Variants in GUCY1A2 observed in about 807,000 individuals in gnomAD.
GUCY1A2 encodes guanylate cyclase soluble subunit alpha-2.
GUCY1A2 carries 27 observed loss-of-function variants against 63.5 expected under a neutral mutation model. The observed-to-expected ratio is 0.43, with a 90% CI of 0.31 to 0.59. GUCY1A2 has a LOEUF of 0.59. Ranked by LOEUF, GUCY1A2 falls within the 20% of genes least tolerant of loss-of-function variation. The probability of loss-of-function intolerance (pLI) is 0.11; values close to 1 mark genes in which losing one functional copy is unlikely to be tolerated. For synonymous variants in GUCY1A2, 364 were observed against 343.5 expected, an observed-to-expected ratio of 1.06 and a Z score of -0.66; for missense variants, 768 against 913.3, an observed-to-expected ratio of 0.84 and a Z score of 2.05.
Position 106,696,399 on chromosome 11 carries a change from GACCAAAAGTCTTTCTT to G in GUCY1A2, c.1992-8659_1992-8644del, listed in dbSNP as rs1341673249. Among the ~76,000 whole-genome samples the G allele has an allele frequency of 2.0e-5, 3 of 152,116 alleles. No individual in the cohort carries two copies. In the East Asian group the frequency reaches 5.8e-4, roughly 29 times the overall value. ...ATTTCCTCACATTTTTCACTTCTCT[GACCAAAAGTCTTTCTT>G]AAAAACAAGTTCATCATTGTGCTGG... On this transcript the variant is annotated intron_variant, in intron 7 of 7. Coordinates refer to ENST00000526355, the MANE Select transcript of GUCY1A2 (RefSeq NM_000855.3).
intron 4 of GUCY1A2, among the ~76,000 whole-genome samples, chr11:106,834,875 C>T (rs745844523): frequency 3.3e-5 from 5 of 151,934 alleles, no homozygotes; most frequent in Admixed American, 1.3e-4. Context: ...TTGGATTATA[C>T]CTGAAACCCT....
At chr11:106,802,272 C>T (rs1006591567) in intron 5 of GUCY1A2, among the ~76,000 whole-genome samples, 1 of 152,102 alleles carries the variant, frequency 6.6e-6, no homozygotes, top group African/African-American at 2.4e-5. Flanking sequence ...GTTGTTCATA[C>T]TGTTCTGCTG....
chr11:106,709,431 G>C (rs1211648278), intron 6 of GUCY1A2, among the ~76,000 whole-genome samples: 1 of 77,694 alleles, frequency 1.3e-5, no homozygotes, highest in African/African-American at 6.0e-5. Flanking sequence ...TTATATATAA[G>C]TATATATAAT....
At chr11:106,719,845 T>G in intron 6 of GUCY1A2, among the ~76,000 whole-genome samples, 1 of 152,234 alleles carries the variant, frequency 6.6e-6, no homozygotes. Flanking sequence ...AATCACTTAA[T>G]GTTTTACAGA....
intron 1 of GUCY1A2, among the ~76,000 whole-genome samples, chr11:107,003,770 C>G (rs1432464962): frequency 6.6e-6 from 1 of 152,198 alleles, no homozygotes; most frequent in Non-Finnish European, 1.5e-5. Context: ...TGACAATTCT[C>G]AAACTCACCA....
chr11:106,991,218 A>T (rs1591356911), intron 1 of GUCY1A2, among the ~76,000 whole-genome samples: 1 of 151,812 alleles, frequency 6.6e-6, no homozygotes, highest in African/African-American at 2.4e-5. Context: ...CCCAGGTCTC[A>T]AACTCCTGAC....
At chr11:106,959,553 C>A (rs1861033661) in intron 3 of GUCY1A2, among the ~76,000 whole-genome samples, 1 of 152,186 alleles carries the variant, frequency 6.6e-6, no homozygotes, top group South Asian at 2.1e-4. Context: ...CTGAGTCTGA[C>A]TCTAGGCATT....
intron 3 of GUCY1A2, among the ~76,000 whole-genome samples, chr11:106,949,961 A>G (rs1251607404): frequency 6.6e-6 from 1 of 152,220 alleles, no homozygotes; most frequent in African/African-American, 2.4e-5. Flanking sequence ...CAGGCATAAT[A>G]TATGTAGTGA....
At chr11:106,696,313 TA>T (rs887644019) in intron 7 of GUCY1A2, among the ~76,000 whole-genome samples, 3 of 152,186 alleles carry the variant, frequency 2.0e-5, no homozygotes, top group African/African-American at 7.2e-5. Context: ...GACAGAACTT[TA>T]AAAAGAGATA....
At chr11:106,717,381 A>G (rs892528290) in intron 6 of GUCY1A2, among the ~76,000 whole-genome samples, 2 of 152,180 alleles carry the variant, frequency 1.3e-5, no homozygotes, top group African/African-American at 2.4e-5. Flanking sequence ...GATAGCCATT[A>G]TATTTCTCAT....
intron 6 of GUCY1A2, among the ~76,000 whole-genome samples, chr11:106,740,742 C>T (rs968353504): frequency 3.3e-5 from 5 of 151,074 alleles, no homozygotes; most frequent in Admixed American, 2.6e-4. Flanking sequence ...GGTGTGATCT[C>T]GGCTCACTGC....
chr11:106,829,635 T>G (rs189866447), intron 4 of GUCY1A2, among the ~76,000 whole-genome samples: 1 of 152,260 alleles, frequency 6.6e-6, no homozygotes, highest in East Asian at 1.9e-4. Flanking sequence ...CACCTGGATA[T>G]TTTGAGCTCC....
intron 3 of GUCY1A2, among the ~76,000 whole-genome samples, chr11:106,970,870 G>T (rs760341310): frequency 8.3e-5 from 12 of 144,252 alleles, no homozygotes; most frequent in Non-Finnish European, 1.2e-4. Context: ...ATGTTAAATG[G>T]AATATTTTTC....
chr11:106,926,755 T>TCA (rs1300939348), intron 4 of GUCY1A2, among the ~76,000 whole-genome samples: 1 of 151,918 alleles, frequency 6.6e-6, no homozygotes, highest in Non-Finnish European at 1.5e-5. Context: ...AAACAATGGT[T>TCA]CACTCGAAAG....
chr11:106,675,707 G>T lies in GUCY1A2; in HGVS notation c.*11842C>A. On this transcript the variant is annotated 3_prime_UTR_variant, in exon 8 of 8. Coordinates refer to ENST00000526355, the MANE Select transcript of GUCY1A2 (RefSeq NM_000855.3). The stretch of plus-strand genomic sequence containing the variant: ...CTTTATCTGAACAAGTATTAAGATT[G>T]TCCATCATTTCAAGACAAAGGTTTT... The T allele has an allele frequency of 5.3e-6, 1 of 188,410 alleles. No individual in the cohort carries two copies. The highest frequency in any genetic ancestry group is 1.1e-5 in the Non-Finnish European group (1 of 90,498). 11.7% of individuals were successfully genotyped at this position (188,410 alleles called of 1,614,324 possible).
intron 4 of GUCY1A2, among the ~76,000 whole-genome samples, chr11:106,828,387 T>C (rs374508378): frequency 3.3e-5 from 5 of 152,092 alleles, no homozygotes; most frequent in East Asian, 1.9e-4. Flanking sequence ...TGATGAGAGA[T>C]AGGAGTTCAG....
At chr11:106,912,802 C>G (rs191634882) in intron 4 of GUCY1A2, among the ~76,000 whole-genome samples, 1 of 152,024 alleles carries the variant, frequency 6.6e-6, no homozygotes, top group Non-Finnish European at 1.5e-5. Flanking sequence ...TTTAATGAAA[C>G]CTTCTGTTTC....
intron 4 of GUCY1A2, among the ~76,000 whole-genome samples, chr11:106,906,703 T>C (rs552669711): frequency 3.9e-4 from 59 of 152,278 alleles, no homozygotes; most frequent in Non-Finnish European, 7.1e-4. Flanking sequence ...CCATCAATGA[T>C]AGACTGGATT....
intron 7 of GUCY1A2, among the ~76,000 whole-genome samples, chr11:106,689,667 C>T (rs1021583572): frequency 6.6e-6 from 1 of 152,026 alleles, no homozygotes; most frequent in African/African-American, 2.4e-5. Flanking sequence ...CAATAAGATA[C>T]CATTTAACAC....
Sources: gnomAD v4.1 joint callset for allele counts (sites outside exome capture counted in the v4.1 genomes callset) on GRCh38, gnomAD v4.1.1 for gene constraint, MANE v1.5 for transcripts, NCBI Gene and HGNC (gene_info 2026-07-23, HGNC 2026-07-21) for gene names.